VAMP4: variants seen among roughly 807,000 people sequenced by gnomAD.
VAMP4 encodes vesicle associated membrane protein 4.
VAMP4 carries 19 observed loss-of-function variants against 23.5 expected under a neutral mutation model. That is an observed-to-expected ratio of 0.81 (90% CI 0.56 to 1.19). The LOEUF is 1.19. Ranked by LOEUF, VAMP4 falls within the 50% of genes most tolerant of loss-of-function variation. The pLI, the probability that VAMP4 is intolerant of heterozygous loss-of-function variation, is 0.00. For synonymous variants in VAMP4, 31 were observed against 51.0 expected, an observed-to-expected ratio of 0.61 and a Z score of 1.67; for missense variants, 145 against 168.6, an observed-to-expected ratio of 0.86 and a Z score of 0.78.
chr1:171,715,445 T>C (rs1654997817), intron 4 of VAMP4, among the ~76,000 whole-genome samples: 2 of 152,228 alleles, frequency 1.3e-5, no homozygotes, highest in Non-Finnish European at 2.9e-5. Flanking sequence ...CCCTGGGTTC[T>C]GTATTCAGAC....
At chr1:171,734,082 A>G (rs1037639677) in intron 2 of VAMP4, among the ~76,000 whole-genome samples, 1 of 152,136 alleles carries the variant, frequency 6.6e-6, no homozygotes, top group African/African-American at 2.4e-5. Flanking sequence ...AGCCTGGCCA[A>G]CATGGTGGAA....
At chr1:171,705,633 C>T (rs927620145) in intron 7 of VAMP4, among the ~76,000 whole-genome samples, 3 of 152,048 alleles carry the variant, frequency 2.0e-5, no homozygotes, top group East Asian at 1.9e-4. Flanking sequence ...TTTGCAAACA[C>T]GGAATCTATG....
At chr1:171,712,400 A>T (rs2124843315) in intron 4 of VAMP4, among the ~76,000 whole-genome samples, 1 of 152,268 alleles carries the variant, frequency 6.6e-6, no homozygotes, top group African/African-American at 2.4e-5. Flanking sequence ...GTTTGCTATA[A>T]AAACAAAATG....
At chr1:171,732,360 GAAAA>G (rs532876540) in intron 2 of VAMP4, among the ~76,000 whole-genome samples, 6 of 123,532 alleles carry the variant, frequency 4.9e-5, no homozygotes, top group Non-Finnish European at 6.8e-5. Flanking sequence ...GTCTCTATGG[GAAAA>G]AAAAAAAAAA....
intron 3 of VAMP4, among the ~76,000 whole-genome samples, chr1:171,723,756 TTAAAG>T (rs1293015326): frequency 6.6e-6 from 1 of 152,304 alleles, no homozygotes; most frequent in Middle Eastern, 3.4e-3. Context: ...GATTAAGAGA[TTAAAG>T]TAAAGACAGG....
At chr1:171,726,337 A>C (rs1655370631) in intron 3 of VAMP4, among the ~76,000 whole-genome samples, 1 of 152,236 alleles carries the variant, frequency 6.6e-6, no homozygotes, top group African/African-American at 2.4e-5. Flanking sequence ...GGCGTGAGCC[A>C]CTGCACCCAG....
intron 1 of VAMP4, among the ~76,000 whole-genome samples, chr1:171,741,325 T>C: frequency 6.6e-6 from 1 of 152,206 alleles, no homozygotes; most frequent in East Asian, 1.9e-4. Flanking sequence ...ATCAGCCTTC[T>C]TGCTTGATGC....
At chr1:171,715,228 A>T (rs1416319790) in intron 4 of VAMP4, among the ~76,000 whole-genome samples, 1 of 152,232 alleles carries the variant, frequency 6.6e-6, no homozygotes, top group African/African-American at 2.4e-5. Context: ...AGGAAAAGCT[A>T]GTTTCTGAAG....
chr1:171,708,105 C>T (rs1178865373), intron 6 of VAMP4, among the ~76,000 whole-genome samples: 7 of 151,926 alleles, frequency 4.6e-5, no homozygotes, highest in Non-Finnish European at 5.9e-5. Flanking sequence ...TCAAGACCAG[C>T]CTGGCCAACA....
rs183763963 is a variant in VAMP4, at chr1:171,710,731, T to G, written c.248A>C (p.Glu83Ala). ...KVIERGERLD[E>A]LQDKSESLSD... is the part of the protein sequence containing the mutation. ...ATCTGTACCTGATTTGTCCTGTAGT[T>G]CATCTAGTCTCTCCCCTCTCTCAAT... The change falls in exon 5 of 8, where the codon GAA becomes GCA. Residue 83 changes from glutamate (E) to alanine (A), a missense_variant. By Grantham distance (107) the Glu-to-Ala change is moderately radical. Coordinates refer to ENST00000236192, the MANE Select transcript of VAMP4 (RefSeq NM_003762.5). 7 of 1,606,346 alleles carry G rather than the reference T, an allele frequency of 4.4e-6. No individual in the cohort carries two copies. The highest frequency in any genetic ancestry group is 1.7e-5 in the Admixed American group (1 of 58,832).
chr1:171,726,915 C>G (rs1655388973), intron 3 of VAMP4, among the ~76,000 whole-genome samples: 1 of 151,936 alleles, frequency 6.6e-6, no homozygotes, highest in African/African-American at 2.4e-5. Context: ...ACATATCTGA[C>G]AGAAAACTTG....
chr1:171,728,692 G>A, intron 2 of VAMP4, 122 bp from the exon 3 acceptor site: 8 of 906,094 alleles, frequency 8.8e-6, no homozygotes, highest in South Asian at 4.5e-5. Context: ...CCATAAAGAG[G>A]GAAAAGTAAT....
At chr1:171,711,527 A>G (rs901555476) in intron 4 of VAMP4, among the ~76,000 whole-genome samples, 1 of 152,158 alleles carries the variant, frequency 6.6e-6, no homozygotes, top group Non-Finnish European at 1.5e-5. Context: ...TGTTTTAACC[A>G]AATTTCAGGC....
At chr1:171,713,004 G>A (rs1236038259) in intron 4 of VAMP4, among the ~76,000 whole-genome samples, 1 of 152,134 alleles carries the variant, frequency 6.6e-6, no homozygotes, top group Admixed American at 6.5e-5. Flanking sequence ...TTATTTACAT[G>A]CTTATTTTCT....
rs1654562720 is a variant in VAMP4 at position 171,703,924 on chromosome 1, C to T, written c.*582G>A. 1 of 152,390 alleles carries T rather than the reference C, an allele frequency of 6.6e-6. No individual in the cohort carries two copies. The highest frequency in any genetic ancestry group is 1.5e-5 in the Non-Finnish European group (1 of 67,892). The allele number at this position is 152,390 out of a possible 1,614,324, so 9.4% of individuals were successfully genotyped here. A position where few individuals can be genotyped will look rare whatever the true frequency, so the allele number is the denominator to read the frequency against. On this transcript the variant is annotated 3_prime_UTR_variant, in exon 8 of 8. Transcript: ENST00000236192. ...AAAAATTACTACACATTCTCTTACA[C>T]AGTCAAAAATATATTTACTGGAATG...
At position 171,723,054 on chromosome 1, in the gene VAMP4, A is replaced by G. The variant is rs1655246311; in HGVS notation, c.114-3833T>C. 1.3e-5 allele frequency among the ~76,000 whole-genome samples: 2 copies of G among 152,210 alleles called. 1 individual carries two copies. The highest frequency in any genetic ancestry group is 1.3e-4 in the Admixed American group (2 of 15,272). On this transcript the variant is annotated intron_variant, in intron 3 of 7. Coordinates refer to ENST00000236192, the MANE Select transcript of VAMP4 (RefSeq NM_003762.5). ...TTAAAACTGTGTGTCTGGGGGAGAC[A>G]TCACGTGTCGGCAGGTTCTGTGATG...
In VAMP4 at chr1:171,701,582, T is replaced by TGAA. The variant is rs1171735611; in HGVS notation, c.*2921_*2923dup. On this transcript the variant is annotated 3_prime_UTR_variant, in exon 8 of 8. Transcript: ENST00000236192. ...TGCCAATTTTTGCTATCAAAAGTGC[T>TGAA]GAAGTTATAATTTCCTAATACAGAC... 1 of 152,202 alleles carries TGAA rather than the reference T, an allele frequency of 6.6e-6. No individual in the cohort carries two copies. The highest frequency in any genetic ancestry group is 1.5e-5 in the Non-Finnish European group (1 of 68,018). The allele number at this position is 152,202 out of a possible 1,614,324, so 9.4% of individuals were successfully genotyped here. A position where few individuals can be genotyped will look rare whatever the true frequency, so the allele number is the denominator to read the frequency against.
chr1:171,734,781 G>A (rs560773235), intron 2 of VAMP4, among the ~76,000 whole-genome samples: 1 of 152,094 alleles, frequency 6.6e-6, no homozygotes, highest in South Asian at 2.1e-4. Flanking sequence ...TTCAGTTCTG[G>A]TGTCTAATAT....
intron 1 of VAMP4, among the ~76,000 whole-genome samples, chr1:171,738,741 G>A (rs2124873011): frequency 6.6e-6 from 1 of 152,346 alleles, no homozygotes; most frequent in Middle Eastern, 3.4e-3. Context: ...AAAGAGCAGA[G>A]AGTAGAGGGA....
Sources: allele counts gnomAD v4.1 joint callset (sites outside exome capture counted in the v4.1 genomes callset), GRCh38; gene constraint gnomAD v4.1.1; transcripts MANE v1.5; gene names NCBI Gene and HGNC (gene_info 2026-07-23, HGNC 2026-07-21).